Variants in TRAPPC13 observed in about 807,000 individuals in gnomAD.
The protein encoded by TRAPPC13 is trafficking protein particle complex subunit 13.
Under a neutral mutation model 54.0 loss-of-function variants are expected in TRAPPC13, and 39 were observed. That is an observed-to-expected ratio of 0.72 (90% CI 0.56 to 0.94). The LOEUF (loss-of-function observed/expected upper bound fraction) is 0.94. Among genes scored for constraint, TRAPPC13 ranks in the 40% least tolerant of loss-of-function variants. TRAPPC13 has a pLI of 0.00. For synonymous variants in TRAPPC13, 148 were observed against 167.7 expected, an observed-to-expected ratio of 0.88 and a Z score of 0.91; for missense variants, 386 against 488.1, an observed-to-expected ratio of 0.79 and a Z score of 1.97.
At chr5:65,659,843 C>T (rs1031635588) in intron 9 of TRAPPC13, among the ~76,000 whole-genome samples, 2 of 151,674 alleles carry the variant, frequency 1.3e-5, no homozygotes, top group African/African-American at 4.8e-5. Flanking sequence ...TACACTCCTG[C>T]ATTCCTAGCT....
In TRAPPC13 at chr5:65,656,832, G is replaced by T. The variant is rs555186924; in HGVS notation, c.564+1179G>T. ...GAGGCAGGAGAATCACTTGAACTCA[G>T]GAGGCAGAGGTTGCAGTGAGCTGAG... On this transcript the variant is annotated intron_variant, in intron 8 of 12. Coordinates refer to ENST00000399438, the MANE Select transcript of TRAPPC13 (RefSeq NM_024941.4). Among the ~76,000 whole-genome samples, 8 of 152,288 alleles carry T rather than the reference G, an allele frequency of 5.3e-5. No homozygotes were observed. The East Asian group carries it at 1.5e-3, about 29-fold the overall frequency.
At chr5:65,660,560 T>G in intron 9 of TRAPPC13, 139 bp from the exon 10 acceptor site, 1 of 520,188 alleles carries the variant, frequency 1.9e-6, no homozygotes, top group Non-Finnish European at 3.1e-6. Flanking sequence ...TTATTTGTAT[T>G]GAAATCGTTA....
At chr5:65,629,857 A>G (rs184766347) in intron 1 of TRAPPC13, 15 of 1,536,088 alleles carry the variant, frequency 9.8e-6, no homozygotes, top group Admixed American at 2.0e-5. Flanking sequence ...CAGTAGATCT[A>G]TTGGAGTTTC....
At chr5:65,643,161 C>CT (rs200564724) in intron 4 of TRAPPC13, among the ~76,000 whole-genome samples, 16 of 147,440 alleles carry the variant, frequency 1.1e-4, no homozygotes, top group African/African-American at 3.2e-4. Flanking sequence ...GGGGGAAAGG[C>CT]TTTTTTTTTT....
chr5:65,638,917 C>T (rs1755864710), intron 4 of TRAPPC13, among the ~76,000 whole-genome samples: 1 of 152,064 alleles, frequency 6.6e-6, no homozygotes, highest in African/African-American at 2.4e-5. Flanking sequence ...AATACCATCT[C>T]TACTAAAAAT....
intron 4 of TRAPPC13, among the ~76,000 whole-genome samples, chr5:65,643,818 GAAAAAAAAAAAAAAGAAA>G (rs1291032367): frequency 6.0e-5 from 3 of 50,012 alleles, no homozygotes; most frequent in Non-Finnish European, 8.1e-5. Flanking sequence ...CTCCGTCTCA[GAAAAAAAAAAAAAAGAAA>G]GAAAAAAAAA....
rs764748427 is a variant in TRAPPC13 at position 65,664,586 on chromosome 5, C to T, written c.1229C>T (p.Ser410Phe). 6.2e-7 allele frequency: 1 copy of T among 1,612,718 alleles called. No homozygotes were observed. Among genetic ancestry groups the T allele is most frequent in the Non-Finnish European group, 8.5e-7 (1 of 1,179,588 alleles). Residue 410 changes from serine to phenylalanine, a missense_variant, in exon 13 of 13, where the codon TCT becomes TTT. Coordinates refer to ENST00000399438, the MANE Select transcript of TRAPPC13 (RefSeq NM_024941.4). ...GACATCGCACAAGTCTGTGTGGTAT[C>T]TTCTGCCATTAAAGTGGAAAGCTGA... ...YDDIAQVCVVSSAIKVES is the reference protein window; with the variant it reads ...YDDIAQVCVVFSAIKVES
intron 5 of TRAPPC13, among the ~76,000 whole-genome samples, chr5:65,649,496 C>T (rs940986325): frequency 1.3e-5 from 2 of 152,138 alleles, no homozygotes; most frequent in African/African-American, 2.4e-5. Flanking sequence ...TCTGATATCA[C>T]TTATAAAGAA....
At chr5:65,625,138 C>G in intron 1 of TRAPPC13, 32 bp downstream of exon 1, 3 of 1,594,836 alleles carry the variant, frequency 1.9e-6, no homozygotes, top group South Asian at 2.2e-5. Context: ...TCCCCCTTTT[C>G]TGTTTCCTTG....
chr5:65,642,233 G>T (rs1755996446), intron 4 of TRAPPC13, among the ~76,000 whole-genome samples: 1 of 152,066 alleles, frequency 6.6e-6, no homozygotes, highest in African/African-American at 2.4e-5. Context: ...TGAGGCAGGA[G>T]AATCGCTTGA....
intron 11 of TRAPPC13, chr5:65,663,685 G>A (rs1020990033): frequency 3.3e-5 from 5 of 152,130 alleles, no homozygotes; most frequent in Admixed American, 1.3e-4. Context: ...ACTTATTTAA[G>A]CTGAACTGGT....
intron 7 of TRAPPC13, among the ~76,000 whole-genome samples, chr5:65,653,325 A>AGATTAT (rs1193466337): frequency 6.6e-6 from 1 of 152,082 alleles, no homozygotes; most frequent in Non-Finnish European, 1.5e-5. Flanking sequence ...TTTGAAATGA[A>AGATTAT]GATTATATCT....
At chr5:65,655,007 A>C (rs1756600192) in intron 7 of TRAPPC13, among the ~76,000 whole-genome samples, 1 of 152,188 alleles carries the variant, frequency 6.6e-6, no homozygotes, top group Non-Finnish European at 1.5e-5. Flanking sequence ...GTGAAAAATG[A>C]TTTCCAGCTA....
chr5:65,645,470 A>G (rs1038526308), intron 4 of TRAPPC13, among the ~76,000 whole-genome samples: 2 of 152,092 alleles, frequency 1.3e-5, no homozygotes, highest in Non-Finnish European at 2.9e-5. Flanking sequence ...ATCCCATTTC[A>G]AAGTGTCTAA....
rs567074243 is a variant in TRAPPC13, at chr5:65,656,532, TTTTA to T, written c.564+883_564+886del. 9.3e-4 allele frequency among the ~76,000 whole-genome samples: 141 copies of T among 152,292 alleles called. 1 individual carries two copies. The highest frequency in any genetic ancestry group is 3.3e-3 in the African/African-American group (138 of 41,558). ...CATGTCCCAAAAACTAAAGAATCTG[TTTTA>T]TTTTAGATAATAGTACATTATATTA... On this transcript the variant is annotated intron_variant, in intron 8 of 12. Transcript: ENST00000399438.
chr5:65,638,418 T>C (rs926792155), intron 4 of TRAPPC13, among the ~76,000 whole-genome samples: 2 of 152,168 alleles, frequency 1.3e-5, no homozygotes, highest in Non-Finnish European at 2.9e-5. Context: ...GGAAGGTTTC[T>C]TGGGGGAGAG....
At chr5:65,639,999 A>T (rs1411579866) in intron 4 of TRAPPC13, among the ~76,000 whole-genome samples, 2 of 152,206 alleles carry the variant, frequency 1.3e-5, no homozygotes, top group African/African-American at 4.8e-5. Context: ...AAAGTTAACA[A>T]GGACGTTAGA....
chr5:65,640,522 C>T (rs1203391115), intron 4 of TRAPPC13, among the ~76,000 whole-genome samples: 1 of 152,172 alleles, frequency 6.6e-6, no homozygotes, highest in African/African-American at 2.4e-5. Context: ...ATTGTATGGC[C>T]TCTAAAATCT....
chr5:65,634,701 G>A (rs1320979540), intron 1 of TRAPPC13, among the ~76,000 whole-genome samples: 1 of 151,152 alleles, frequency 6.6e-6, no homozygotes, highest in African/African-American at 2.4e-5. Context: ...GACCAGCCTG[G>A]CCAACATGGT....
Sources: allele counts gnomAD v4.1 joint callset (sites outside exome capture counted in the v4.1 genomes callset), GRCh38; gene constraint gnomAD v4.1.1; transcripts MANE v1.5; gene names NCBI Gene and HGNC (gene_info 2026-07-23, HGNC 2026-07-21).